GTF2IRD1: variants seen among roughly 807,000 people sequenced by gnomAD.
GTF2IRD1 encodes the protein GTF2I repeat domain containing 1, also known as general transcription factor II-I repeat domain-containing protein 1.
A neutral mutation model predicts 113.2 loss-of-function variants in GTF2IRD1; 26 were observed. The observed-to-expected ratio is 0.23, with a 90% CI of 0.17 to 0.32. The LOEUF (loss-of-function observed/expected upper bound fraction) is 0.32. GTF2IRD1 is among the 10% of genes least tolerant of loss of function. The probability of loss-of-function intolerance (pLI) is 1.00; values close to 1 mark genes in which losing one functional copy is unlikely to be tolerated. For synonymous variants in GTF2IRD1, 484 were observed against 529.1 expected, an observed-to-expected ratio of 0.91 and a Z score of 1.17; for missense variants, 864 against 1,280.8, an observed-to-expected ratio of 0.67 and a Z score of 4.97.
At chr7:74,480,501 C>T (rs980340370) in intron 1 of GTF2IRD1, among the ~76,000 whole-genome samples, 6 of 152,230 alleles carry the variant, frequency 3.9e-5, no homozygotes, top group Non-Finnish European at 5.9e-5. Context: ...GCTGACAGCC[C>T]GGAGATTAGT....
intron 1 of GTF2IRD1, chr7:74,506,731 G>A (rs3801467): frequency 0.077 from 11,679 of 152,364 alleles, 1,380 homozygotes; most frequent in African/African-American, 0.26. Flanking sequence ...GAGAGGGGCA[G>A]GGTAGAACCA....
chr7:74,568,516 C>T lies in GTF2IRD1; in HGVS notation c.2320+8861C>T, dbSNP rs587726236. Reference sequence around the variant, plus strand: ...ACAAAAAATTAGCTGGGCGTGATGGCGGGCACCTGTAGTCCCAGCTACTTG... The same window carrying T: ...ACAAAAAATTAGCTGGGCGTGATGGTGGGCACCTGTAGTCCCAGCTACTTG... On this transcript the variant is annotated intron_variant, in intron 22 of 26. Coordinates refer to ENST00000424337, the MANE Select transcript of GTF2IRD1 (RefSeq NM_005685.4). Among the ~76,000 whole-genome samples the T allele has an allele frequency of 1.9e-4, 29 of 152,028 alleles. No homozygotes were observed. The South Asian group carries it at 4.8e-3, about 25-fold the overall frequency.
rs1398802864 is a variant in GTF2IRD1 at position 74,600,245 on chromosome 7, CATA to C, written c.2630-796_2630-794del. 2.0e-5 allele frequency among the ~76,000 whole-genome samples: 3 copies of C among 152,042 alleles called. No homozygotes were observed. In the East Asian group the frequency reaches 5.8e-4, roughly 29 times the overall value. ...GGGAATTGGAGACCAGCCTGGGCAA[CATA>C]ATGATGCAGAAATACAAAAAGTTAG... On this transcript the variant is annotated intron_variant, in intron 25 of 26. Coordinates refer to ENST00000424337, the MANE Select transcript of GTF2IRD1 (RefSeq NM_005685.4).
chr7:74,459,130 G>A (rs1358628738), intron 1 of GTF2IRD1, among the ~76,000 whole-genome samples: 2 of 152,062 alleles, frequency 1.3e-5, no homozygotes, highest in Non-Finnish European at 1.5e-5. Flanking sequence ...TAGGAACCTG[G>A]GTTCATGCCC....
chr7:74,521,159 A>G (rs782685977), intron 6 of GTF2IRD1, 49 bp from the exon 7 acceptor site: 2 of 1,084,356 alleles, frequency 1.8e-6, no homozygotes, highest in East Asian at 4.7e-5. Flanking sequence ...GATCTGGGGA[A>G]CCCTCTTGGG....
intron 22 of GTF2IRD1, among the ~76,000 whole-genome samples, chr7:74,572,216 A>G (rs978819389): frequency 6.6e-6 from 1 of 152,132 alleles, no homozygotes; most frequent in Non-Finnish European, 1.5e-5. Flanking sequence ...TGGGGTGGAC[A>G]TGGGGAGGGA....
intron 20 of GTF2IRD1, among the ~76,000 whole-genome samples, chr7:74,557,996 C>G (rs1424879244): frequency 2.6e-5 from 4 of 152,050 alleles, no homozygotes; most frequent in Non-Finnish European, 5.9e-5. Flanking sequence ...GACAAGGGCC[C>G]GGCACAGTGG....
intron 9 of GTF2IRD1, among the ~76,000 whole-genome samples, chr7:74,531,026 G>A (rs1368358519): frequency 6.6e-6 from 1 of 151,900 alleles, no homozygotes; most frequent in Admixed American, 6.6e-5. Context: ...CTATGATCGT[G>A]CCACTGCACT....
At chr7:74,472,181 A>G (rs555356951) in intron 1 of GTF2IRD1, among the ~76,000 whole-genome samples, 4 of 152,284 alleles carry the variant, frequency 2.6e-5, no homozygotes, top group African/African-American at 7.2e-5. Context: ...CCTTCTACCA[A>G]TGGTGAGTTT....
chr7:74,497,355 G>A (rs782276989), intron 1 of GTF2IRD1, among the ~76,000 whole-genome samples: 5 of 152,022 alleles, frequency 3.3e-5, no homozygotes, highest in African/African-American at 7.2e-5. Context: ...CCCAACCTCC[G>A]CAGGCTCAAG....
intron 1 of GTF2IRD1, among the ~76,000 whole-genome samples, chr7:74,492,413 GCC>G (rs1554336957): frequency 1.3e-5 from 2 of 151,760 alleles, no homozygotes; most frequent in East Asian, 1.9e-4. Context: ...CTCATGATCT[GCC>G]CACCTTGGCC....
intron 2 of GTF2IRD1, among the ~76,000 whole-genome samples, chr7:74,508,413 C>T (rs899741422): frequency 1.3e-5 from 2 of 152,092 alleles, no homozygotes; most frequent in Non-Finnish European, 2.9e-5. Flanking sequence ...GCCCTGGGGC[C>T]GGGCACAGTG....
intron 14 of GTF2IRD1, among the ~76,000 whole-genome samples, chr7:74,541,229 G>A (rs1273175987): frequency 6.6e-6 from 1 of 151,834 alleles, no homozygotes; most frequent in African/African-American, 2.4e-5. Flanking sequence ...GGTGGCTCAC[G>A]CCTGTAATTC....
chr7:74,529,584 T>G (rs1440193285), intron 8 of GTF2IRD1, 150 bp from the exon 9 acceptor site: 1 of 618,108 alleles, frequency 1.6e-6, no homozygotes. Flanking sequence ...AAAAGTGATA[T>G]GATTTTGACA....
intron 22 of GTF2IRD1, among the ~76,000 whole-genome samples, chr7:74,570,467 A>G (rs1415863086): frequency 2.6e-5 from 4 of 152,040 alleles, no homozygotes; most frequent in Admixed American, 2.6e-4. Flanking sequence ...CAGCCTGGGC[A>G]ACATAGTGAG....
chr7:74,521,103 C>A, intron 6 of GTF2IRD1, 105 bp from the exon 7 acceptor site: 1 of 667,922 alleles, frequency 1.5e-6, no homozygotes, highest in South Asian at 1.7e-5. Context: ...ATGTCCCTGG[C>A]AGATGAGGCT....
Position 74,494,834 on chromosome 7 carries a change from C to T in GTF2IRD1, c.-6-13241C>T, listed in dbSNP as rs541984230. ...TGGTGTGATCACAGTTCACTGTAGCCTCCACTTCCTGGGCTCAAGTGGTCC... is the reference window on the plus strand; with the variant it reads ...TGGTGTGATCACAGTTCACTGTAGCTTCCACTTCCTGGGCTCAAGTGGTCC... On this transcript the variant is annotated intron_variant, in intron 1 of 26. Coordinates refer to ENST00000424337, the MANE Select transcript of GTF2IRD1 (RefSeq NM_005685.4). Among the ~76,000 whole-genome samples, 4 of 152,332 alleles carry T rather than the reference C, an allele frequency of 2.6e-5. No individual in the cohort carries two copies. The East Asian group carries it at 7.7e-4, about 29-fold the overall frequency.
intron 1 of GTF2IRD1, among the ~76,000 whole-genome samples, chr7:74,456,596 T>C (rs1792991415): frequency 6.6e-6 from 1 of 151,698 alleles, no homozygotes; most frequent in African/African-American, 2.4e-5. Flanking sequence ...GGCAGGAGAA[T>C]CGCTTGAACC....
At chr7:74,595,829 G>A (rs1802377888) in intron 25 of GTF2IRD1, 1 of 152,524 alleles carries the variant, frequency 6.6e-6, no homozygotes, top group Non-Finnish European at 1.5e-5. Context: ...TAGCAGAGGG[G>A]TAGCACGTGA....
Sources: allele counts gnomAD v4.1 joint callset (sites outside exome capture counted in the v4.1 genomes callset), GRCh38; gene constraint gnomAD v4.1.1; transcripts MANE v1.5; gene names NCBI Gene and HGNC (gene_info 2026-07-23, HGNC 2026-07-21).